Variants in ERC1 observed in about 807,000 individuals in gnomAD.
ERC1 encodes the protein RAB6 interacting protein 2.
ERC1 carries 56 observed loss-of-function variants against 132.0 expected under a neutral mutation model. The observed-to-expected ratio is 0.42, with a 90% CI of 0.34 to 0.53. The LOEUF (loss-of-function observed/expected upper bound fraction) is 0.53. Among genes scored for constraint, ERC1 ranks in the 20% least tolerant of loss-of-function variants. The pLI, the probability that ERC1 is intolerant of heterozygous loss-of-function variation, is 0.03. For missense variants in ERC1, 1,202 were observed against 1,349.9 expected, an observed-to-expected ratio of 0.89 and a Z score of 1.72; for synonymous variants, 478 against 476.1, an observed-to-expected ratio of 1.00 and a Z score of -0.05.
chr12:1,397,890 T>C (rs1160258171), intron 16 of ERC1, among the ~76,000 whole-genome samples: 1 of 152,024 alleles, frequency 6.6e-6, no homozygotes, highest in Non-Finnish European at 1.5e-5. Context: ...TATATTAAAT[T>C]GTTGACATTC....
intron 8 of ERC1, among the ~76,000 whole-genome samples, chr12:1,149,168 A>G (rs1950625920): frequency 6.6e-6 from 1 of 151,902 alleles, no homozygotes. Flanking sequence ...TATAAAAATA[A>G]CTTTAAAGTA....
At chr12:1,372,093 T>C (rs940016094) in intron 16 of ERC1, 116 bp downstream of exon 16, 4 of 1,222,234 alleles carry the variant, frequency 3.3e-6, no homozygotes, top group African/African-American at 3.0e-5. Context: ...CATCTGATCA[T>C]TGGAGCTAGT....
chr12:1,054,723 T>A (rs1015756298), intron 2 of ERC1, among the ~76,000 whole-genome samples: 1 of 152,184 alleles, frequency 6.6e-6, no homozygotes, highest in African/African-American at 2.4e-5. Flanking sequence ...CATTGTCTAA[T>A]CAGTCTGTCA....
At chr12:1,322,576 C>G (rs1008099850) in intron 15 of ERC1, among the ~76,000 whole-genome samples, 1 of 152,116 alleles carries the variant, frequency 6.6e-6, no homozygotes, top group African/African-American at 2.4e-5. Context: ...ATTACACAAA[C>G]CCATGCCAGA....
chr12:1,361,338 A>G lies in ERC1; in HGVS notation c.2781-10495A>G, dbSNP rs552303595. Among the ~76,000 whole-genome samples the G allele has an allele frequency of 1.4e-4, 22 of 152,166 alleles. No homozygotes were observed. The South Asian group carries it at 4.6e-3, about 32-fold the overall frequency. Reference sequence around the variant, plus strand: ...ATGAGTTAATGGGTGCAGCACACCAACAGGGCACATGTATACATATGTAAC... The same window carrying G: ...ATGAGTTAATGGGTGCAGCACACCAGCAGGGCACATGTATACATATGTAAC... On this transcript the variant is annotated intron_variant, in intron 15 of 18. Transcript: ENST00000360905.
At chr12:1,189,734 A>G in intron 11 of ERC1, 125 bp from the exon 12 acceptor site, 1 of 676,908 alleles carries the variant, frequency 1.5e-6, no homozygotes, top group Non-Finnish European at 2.4e-6. Flanking sequence ...CTTATAAATT[A>G]CAAACTAACT....
intron 12 of ERC1, among the ~76,000 whole-genome samples, chr12:1,209,578 G>C: frequency 6.6e-6 from 1 of 152,148 alleles, no homozygotes; most frequent in Non-Finnish European, 1.5e-5. Flanking sequence ...TTGTATTTCA[G>C]ATATTGGGTA....
In ERC1 at chr12:1,293,120, G is replaced by GGCAACAAGA. The variant is rs1484901048; in HGVS notation, c.2780+3109_2780+3110insCAACAAGAG. On this transcript the variant is annotated intron_variant, in intron 15 of 18. Coordinates refer to ENST00000360905, the MANE Select transcript of ERC1 (RefSeq NM_178040.4). ...GATTGCACCATTGCACTCCAGCCTG[G>GGCAACAAGA]GTGACAGAGCAAGACTCCATCTCAA... Among the ~76,000 whole-genome samples the GGCAACAAGA allele has an allele frequency of 1.4e-3, 209 of 147,286 alleles. 1 individual carries two copies. Among genetic ancestry groups the GGCAACAAGA allele is most frequent in the Middle Eastern group, 7.2e-3 (2 of 276 alleles).
chr12:1,027,543 T>C (rs946372374), intron 1 of ERC1: 4 of 206,810 alleles, frequency 1.9e-5, no homozygotes, highest in Non-Finnish European at 4.0e-5. Context: ...TTGCATGGTA[T>C]GTTTTCAGCG....
intron 15 of ERC1, among the ~76,000 whole-genome samples, chr12:1,345,220 G>A (rs58123869): frequency 0.013 from 1,761 of 130,990 alleles, 39 homozygotes; most frequent in African/African-American, 0.05. Flanking sequence ...TCACTCTGTC[G>A]CCCAGGCTGG....
intron 8 of ERC1, among the ~76,000 whole-genome samples, chr12:1,176,189 A>G (rs561455943): frequency 6.6e-6 from 1 of 152,356 alleles, no homozygotes; most frequent in Non-Finnish European, 1.5e-5. Context: ...TGACTCCTTG[A>G]TCCATGAGGT....
At chr12:1,428,760 A>G (rs140908053) in intron 17 of ERC1, among the ~76,000 whole-genome samples, 1 of 152,304 alleles carries the variant, frequency 6.6e-6, no homozygotes, top group African/African-American at 2.4e-5. Context: ...CAGGATTACT[A>G]TCTGTTTTGG....
intron 12 of ERC1, among the ~76,000 whole-genome samples, chr12:1,222,838 G>T (rs1167629493): frequency 6.6e-6 from 1 of 152,130 alleles, no homozygotes; most frequent in East Asian, 1.9e-4. Context: ...AATGTTGTTA[G>T]TTTCTTAATA....
At chr12:1,440,602 GTGTGT>G (rs2093115260) in intron 17 of ERC1, among the ~76,000 whole-genome samples, 1 of 4,086 alleles carries the variant, frequency 2.4e-4, no homozygotes, top group African/African-American at 4.3e-4. Flanking sequence ...TCAGCCTTTT[GTGTGT>G]GTGTGTGTGT....
chr12:1,256,214 C>T (rs2076801512), intron 13 of ERC1, among the ~76,000 whole-genome samples: 1 of 151,314 alleles, frequency 6.6e-6, no homozygotes, highest in Non-Finnish European at 1.5e-5. Context: ...CTGATGAAAT[C>T]TACTTCTTTA....
At chr12:1,372,024 C>A (rs773808276) in intron 16 of ERC1, 47 bp downstream of exon 16, 2 of 1,600,170 alleles carry the variant, frequency 1.2e-6, no homozygotes, top group Admixed American at 1.7e-5. Flanking sequence ...AGCTTTCACA[C>A]CATTCTCCAC....
intron 17 of ERC1, among the ~76,000 whole-genome samples, chr12:1,417,780 C>CAAAA (rs59219151): frequency 1.2e-5 from 1 of 83,698 alleles, no homozygotes; most frequent in Admixed American, 1.4e-4. Flanking sequence ...GACTCCATCT[C>CAAAA]AAAAAAAAAA....
intron 13 of ERC1, among the ~76,000 whole-genome samples, chr12:1,249,173 C>T (rs996778314): frequency 1.3e-5 from 2 of 152,000 alleles, no homozygotes; most frequent in African/African-American, 4.8e-5. Flanking sequence ...TTATACTTTA[C>T]ATTACTTATT....
Position 1,189,955 on chromosome 12 carries a change from A to T in ERC1, c.2254A>T (p.Ser752Cys). 2 of 1,614,130 alleles carry T rather than the reference A, an allele frequency of 1.2e-6. No homozygotes were observed. The highest frequency in any genetic ancestry group is 1.3e-5 in the African/African-American group (1 of 75,060). ...GATCACCAGGTACAAAGATGAATCT[A>T]GCAAGGCCCAGGCAGAAGTTGATCG... ...REITRYKDES[S>C]KAQAEVDRLL... The change falls in exon 12 of 19, where the codon AGC (serine) becomes TGC (cysteine). Residue 752 changes from serine (S) to cysteine (C), a missense_variant. Ser to Cys is a moderately radical substitution (Grantham distance 112). Coordinates refer to ENST00000360905, the MANE Select transcript of ERC1 (RefSeq NM_178040.4).
Sources: gnomAD v4.1 joint callset for allele counts (sites outside exome capture counted in the v4.1 genomes callset) on GRCh38, gnomAD v4.1.1 for gene constraint, MANE v1.5 for transcripts, NCBI Gene and HGNC (gene_info 2026-07-23, HGNC 2026-07-21) for gene names.